CLVS1: variants seen among roughly 807,000 people sequenced by gnomAD.
CLVS1 encodes clavesin 1, also known as clavesin-1.
Under a neutral mutation model 33.1 loss-of-function variants are expected in CLVS1, and 10 were observed. That is an observed-to-expected ratio of 0.30 (90% CI 0.19 to 0.51). The LOEUF is 0.51. Ranked by LOEUF, CLVS1 falls within the 20% of genes least tolerant of loss-of-function variation. The probability of loss-of-function intolerance (pLI) is 0.97; values close to 1 mark genes in which losing one functional copy is unlikely to be tolerated. For synonymous variants in CLVS1, 163 were observed against 166.1 expected, an observed-to-expected ratio of 0.98 and a Z score of 0.14; for missense variants, 343 against 433.4, an observed-to-expected ratio of 0.79 and a Z score of 1.85.
At chr8:61,114,732 C>G (rs921502309) in intron 1 of CLVS1, among the ~76,000 whole-genome samples, 6 of 152,178 alleles carry the variant, frequency 3.9e-5, no homozygotes, top group African/African-American at 1.4e-4. Flanking sequence ...TTATAAACAT[C>G]TAATGAAAGT....
chr8:61,213,999 T>G (rs745413329), intron 2 of CLVS1, among the ~76,000 whole-genome samples: 2 of 152,072 alleles, frequency 1.3e-5, no homozygotes, highest in African/African-American at 4.8e-5. Flanking sequence ...GGTGTGCCCG[T>G]CTCTTATGGT....
At position 61,080,959 on chromosome 8, in the gene CLVS1, C is replaced by T. The variant is rs186734459; in HGVS notation, c.-243+23729C>T. ...GCAACTGAGAAAGCATTTTGGGTGG[C>T]GGAACTGAAATGATAACACAAATGT... On this transcript the variant is annotated intron_variant, in intron 1 of 2. Coordinates refer to the CLVS1 transcript ENST00000522621. 7.3e-4 allele frequency among the ~76,000 whole-genome samples: 111 copies of T among 152,078 alleles called. 1 individual carries two copies. Among genetic ancestry groups the T allele is most frequent in the African/African-American group, 2.5e-3 (102 of 41,488 alleles).
At chr8:61,067,151 A>G (rs764864488) in intron 1 of CLVS1, among the ~76,000 whole-genome samples, 1 of 152,166 alleles carries the variant, frequency 6.6e-6, no homozygotes, top group Non-Finnish European at 1.5e-5. Flanking sequence ...TATTGACTGC[A>G]CTTTCTCATT....
chr8:61,129,713 G>A (rs987151687), intron 1 of CLVS1, among the ~76,000 whole-genome samples: 1 of 152,124 alleles, frequency 6.6e-6, no homozygotes, highest in Non-Finnish European at 1.5e-5. Context: ...TTTTATGAGG[G>A]CACTAATCCC....
At chr8:61,329,815 T>C (rs575419070) in intron 2 of CLVS1, among the ~76,000 whole-genome samples, 1 of 152,330 alleles carries the variant, frequency 6.6e-6, no homozygotes, top group South Asian at 2.1e-4. Context: ...CCCTTCCCTA[T>C]ATAACCTTTT....
chr8:61,014,882 G>A, the CLVS1 span, among the ~76,000 whole-genome samples: 2 of 152,244 alleles, frequency 1.3e-5, no homozygotes, highest in Non-Finnish European at 2.9e-5. Flanking sequence ...AATGAGGCTG[G>A]AAGGTATGAA....
the CLVS1 span, among the ~76,000 whole-genome samples, chr8:61,000,397 A>G: frequency 6.6e-6 from 1 of 152,206 alleles, no homozygotes; most frequent in South Asian, 2.1e-4. Flanking sequence ...GGCAAAGGAC[A>G]GCTAAGGTTG....
At chr8:61,200,629 T>G (rs1807708055) in intron 2 of CLVS1, among the ~76,000 whole-genome samples, 1 of 152,248 alleles carries the variant, frequency 6.6e-6, no homozygotes, top group Admixed American at 6.5e-5. Context: ...AGATTGCTGG[T>G]CCAAAGGAAT....
intron 1 of CLVS1, among the ~76,000 whole-genome samples, chr8:61,073,487 G>A (rs2129280798): frequency 6.6e-6 from 1 of 152,256 alleles, no homozygotes; most frequent in South Asian, 2.1e-4. Context: ...TCGAAAGTGG[G>A]CAGTGATTCT....
intron 2 of CLVS1, among the ~76,000 whole-genome samples, chr8:61,365,155 G>T (rs1813144534): frequency 6.6e-6 from 1 of 152,124 alleles, no homozygotes; most frequent in Non-Finnish European, 1.5e-5. Context: ...TGATTTTATG[G>T]TTATAAGAGT....
At chr8:61,011,558 C>T in the CLVS1 span, among the ~76,000 whole-genome samples, 3 of 152,222 alleles carry the variant, frequency 2.0e-5, no homozygotes, top group Admixed American at 2.0e-4. Context: ...AAGCGATTCC[C>T]CTGCCTCAGC....
intron 1 of CLVS1, among the ~76,000 whole-genome samples, chr8:61,109,341 AC>A (rs1251264495): frequency 6.6e-6 from 1 of 152,170 alleles, no homozygotes; most frequent in Non-Finnish European, 1.5e-5. Context: ...TTGAGGTCCC[AC>A]TTAGGGTCAC....
chr8:61,188,611 A>C (rs1433700543), intron 2 of CLVS1, among the ~76,000 whole-genome samples: 1 of 152,130 alleles, frequency 6.6e-6, no homozygotes, highest in East Asian at 1.9e-4. Flanking sequence ...TCAATATAAA[A>C]ATTAAAATTG....
chr8:61,113,913 C>T (rs1424109472), intron 1 of CLVS1, among the ~76,000 whole-genome samples: 1 of 152,226 alleles, frequency 6.6e-6, no homozygotes, highest in African/African-American at 2.4e-5. Context: ...GGATTGCAGG[C>T]TGAGCCACTG....
the CLVS1 span, among the ~76,000 whole-genome samples, chr8:61,004,907 C>T: frequency 3.9e-5 from 6 of 152,262 alleles, no homozygotes; most frequent in East Asian, 7.7e-4. Context: ...CCATATCTGT[C>T]GGGAAAGGTG....
At chr8:61,147,366 G>A (rs1806441693) in intron 2 of CLVS1, among the ~76,000 whole-genome samples, 1 of 152,142 alleles carries the variant, frequency 6.6e-6, no homozygotes, top group Admixed American at 6.5e-5. Flanking sequence ...GGTGGATATT[G>A]CAACTGTGGA....
rs1265187479 is a variant in CLVS1 at position 61,059,499 on chromosome 8, T to TATATATATATATATATATATAC, written c.-243+2270_-243+2271insTATATATATATATATATATACA. 6.9e-3 allele frequency among the ~76,000 whole-genome samples: 661 copies of TATATATATATATATATATATAC among 95,768 alleles called. 9 individuals carry two copies. Among genetic ancestry groups the TATATATATATATATATATATAC allele is most frequent in the African/African-American group, 0.019 (465 of 24,536 alleles). The allele number at this position is 95,768 out of a possible 152,430, so 62.8% of individuals were successfully genotyped here. On this transcript the variant is annotated intron_variant, in intron 1 of 2. Transcript: ENST00000522621. Reference sequence around the variant, plus strand: ...ACATATATATATATATATATATATATACACATATCTTGAAAATAGCACGAG... The same window carrying TATATATATATATATATATATAC: ...ACATATATATATATATATATATATATATATATATATATATATATATACACACATATCTTGAAAATAGCACGAG...
chr8:61,153,042 C>A (rs1427937467), intron 2 of CLVS1, among the ~76,000 whole-genome samples: 1 of 152,114 alleles, frequency 6.6e-6, no homozygotes, highest in African/African-American at 2.4e-5. Context: ...GTGGCACAAA[C>A]CTGTAGTCCC....
At chr8:61,454,011 C>T in intron 3 of CLVS1, 130 bp from the exon 4 acceptor site, 2 of 711,568 alleles carry the variant, frequency 2.8e-6, no homozygotes, top group African/African-American at 1.8e-5. Flanking sequence ...TTTTCTTCCT[C>T]TCCTCATCCT....
Sources: allele counts gnomAD v4.1 joint callset (sites outside exome capture counted in the v4.1 genomes callset), GRCh38; gene constraint gnomAD v4.1.1; transcripts MANE v1.5; gene names NCBI Gene and HGNC (gene_info 2026-07-23, HGNC 2026-07-21).